SLC4A4: variants seen among roughly 807,000 people sequenced by gnomAD.
The protein encoded by SLC4A4 is solute carrier family 4 member 4.
In SLC4A4, 27 loss-of-function variants were observed where a neutral mutation model predicts 111.5. The ratio of observed to expected loss-of-function variants is 0.24; its 90% CI spans 0.18 to 0.33. The LOEUF (loss-of-function observed/expected upper bound fraction) is 0.33. Among genes scored for constraint, SLC4A4 ranks in the 10% least tolerant of loss-of-function variants. SLC4A4 has a pLI of 1.00. For synonymous variants in SLC4A4, 443 were observed against 463.4 expected (o/e 0.96, Z 0.57); for missense variants, 909 against 1,315.5 (o/e 0.69, Z 4.78).
At chr4:71,566,979 GT>G (rs758282680) in intron 24 of SLC4A4, 24 bp from the exon 25 acceptor site, 1 of 1,595,324 alleles carries the variant, frequency 6.3e-7, no homozygotes. Context: ...TACCATTTAT[GT>G]TTTTAAAAAA....
intron 2 of SLC4A4, among the ~76,000 whole-genome samples, chr4:71,174,118 A>T (rs914591012): frequency 6.6e-6 from 1 of 152,210 alleles, no homozygotes; most frequent in African/African-American, 2.4e-5. Flanking sequence ...CTTAGATAAA[A>T]GTACAACAGC....
intron 3 of SLC4A4, among the ~76,000 whole-genome samples, chr4:71,274,381 G>T (rs1722922467): frequency 6.6e-6 from 1 of 152,116 alleles, no homozygotes; most frequent in African/African-American, 2.4e-5. Flanking sequence ...TCAAACCTGT[G>T]TTGTTCAGTG....
At position 71,133,051 on chromosome 4, in the gene SLC4A4, A is replaced by AT. The variant is rs940720348; in HGVS notation, c.-2+40269dup. ...ATGTAAGTGCATTTGATGAATTACCATTTTTTTTTTAACCAGGGTGAGATT... is the reference window on the plus strand; with the variant it reads ...ATGTAAGTGCATTTGATGAATTACCATTTTTTTTTTTAACCAGGGTGAGATT... On this transcript the variant is annotated intron_variant, in intron 2 of 26. Coordinates refer to the SLC4A4 transcript ENST00000649996. Among the ~76,000 whole-genome samples the AT allele has an allele frequency of 2.4e-3, 364 of 150,078 alleles. 8 individuals are homozygous for AT. The East Asian group carries it at 0.054, about 22-fold the overall frequency.
At chr4:71,441,631 C>T (rs1433047407) in intron 8 of SLC4A4, among the ~76,000 whole-genome samples, 1 of 152,062 alleles carries the variant, frequency 6.6e-6, no homozygotes, top group East Asian at 1.9e-4. Flanking sequence ...GATGGATCCT[C>T]CTCAGCTCAG....
intron 7 of SLC4A4, among the ~76,000 whole-genome samples, chr4:71,433,139 CCTT>C (rs1723795353): frequency 6.6e-6 from 1 of 152,044 alleles, no homozygotes; most frequent in South Asian, 2.1e-4. Flanking sequence ...CCACTTTGTG[CCTT>C]CTTTTCTCAA....
At chr4:71,553,952 C>A (rs1736255823) in intron 20 of SLC4A4, among the ~76,000 whole-genome samples, 1 of 151,752 alleles carries the variant, frequency 6.6e-6, no homozygotes, top group Non-Finnish European at 1.5e-5. Context: ...TTTGAAGAAG[C>A]ATTTGATGTT....
At chr4:71,504,862 T>A (rs1731257682) in intron 16 of SLC4A4, among the ~76,000 whole-genome samples, 1 of 152,120 alleles carries the variant, frequency 6.6e-6, no homozygotes, top group African/African-American at 2.4e-5. Flanking sequence ...CTTTTCTTCC[T>A]GATTCTCTCC....
chr4:71,557,646 T>C, intron 21 of SLC4A4, 66 bp from the exon 22 acceptor site: 12 of 1,458,882 alleles, frequency 8.2e-6, no homozygotes, highest in Non-Finnish European at 1.2e-5. Context: ...TCAGTAGTGA[T>C]TAGTTAGGCA....
At chr4:71,497,888 A>G (rs1730559299) in intron 16 of SLC4A4, among the ~76,000 whole-genome samples, 196 bp downstream of exon 16, 1 of 152,156 alleles carries the variant, frequency 6.6e-6, no homozygotes. Context: ...AAACCTTCCA[A>G]GGACTTTCTC....
chr4:71,525,176 G>C (rs1198940190), intron 16 of SLC4A4, among the ~76,000 whole-genome samples: 2 of 152,084 alleles, frequency 1.3e-5, no homozygotes, highest in Non-Finnish European at 2.9e-5. Flanking sequence ...AAGAAGGAGA[G>C]AACAGCATAT....
At chr4:71,526,537 T>A (rs1733435016) in intron 16 of SLC4A4, among the ~76,000 whole-genome samples, 1 of 152,148 alleles carries the variant, frequency 6.6e-6, no homozygotes, top group Non-Finnish European at 1.5e-5. Context: ...GTAAGTGCCA[T>A]CACGTATATA....
Position 71,074,646 on chromosome 4 carries a change from A to AAGGAAGGAAGAAGGGG in SLC4A4, c.-65+11874_-65+11889dup, listed in dbSNP as rs892735259. Among the ~76,000 whole-genome samples, 242 of 151,790 alleles carry AAGGAAGGAAGAAGGGG rather than the reference A, an allele frequency of 1.6e-3. 3 individuals are homozygous for AAGGAAGGAAGAAGGGG. The highest frequency in any genetic ancestry group is 1.1e-3 in the Non-Finnish European group (75 of 67,896). On this transcript the variant is annotated intron_variant, in intron 1 of 26. Coordinates refer to the SLC4A4 transcript ENST00000649996. ...AAGAAAGGAGAAAAAGGAGAAGAGAAAGGAAGGAAGAAGGGGAGGAAGGAA... is the reference window on the plus strand; with the variant it reads ...AAGAAAGGAGAAAAAGGAGAAGAGAAAGGAAGGAAGAAGGGGAGGAAGGAAGAAGGGGAGGAAGGAA...
intron 17 of SLC4A4, among the ~76,000 whole-genome samples, chr4:71,532,880 G>A (rs919369852): frequency 2.0e-5 from 3 of 151,952 alleles, no homozygotes; most frequent in Non-Finnish European, 2.9e-5. Context: ...CCTACCACAC[G>A]CATGTATATA....
chr4:71,503,071 A>G (rs550492743), intron 16 of SLC4A4, among the ~76,000 whole-genome samples: 2 of 152,230 alleles, frequency 1.3e-5, no homozygotes, highest in East Asian at 1.9e-4. Context: ...ATTATTATAT[A>G]ATGACCTTCT....
rs756131828 is a variant in SLC4A4, at chr4:71,357,055, C to A, written c.598C>A (p.Leu200Ile). ...TGAGACAGGCCTATTGAAACCTGAA[C>A]TTAAGGATAAGGTGACCTATACTTT... The part of the protein sequence containing the change: ...QIETGLLKPE[L>I]KDKVTYTLLR... The change falls in exon 6 of 26, where the codon CTT becomes ATT. Residue 200 changes from leucine to isoleucine, a missense_variant. Coordinates refer to ENST00000264485, the MANE Select transcript of SLC4A4 (RefSeq NM_001098484.3). 1.2e-6 allele frequency: 2 copies of A among 1,614,090 alleles called. No homozygotes were observed. Among genetic ancestry groups the A allele is most frequent in the Non-Finnish European group, 1.7e-6 (2 of 1,179,996 alleles).
chr4:71,333,772 C>G (rs1728205540), intron 3 of SLC4A4, among the ~76,000 whole-genome samples: 2 of 152,184 alleles, frequency 1.3e-5, no homozygotes, highest in South Asian at 4.2e-4. Context: ...CTTCCCCTTT[C>G]CTGATGCAGA....
At chr4:71,139,628 T>G (rs1329991107) in intron 2 of SLC4A4, among the ~76,000 whole-genome samples, 2 of 152,236 alleles carry the variant, frequency 1.3e-5, no homozygotes, top group Non-Finnish European at 2.9e-5. Context: ...CCTGTGGGCA[T>G]TTTCTTCCAG....
At chr4:71,146,379 A>G (rs1433901316) in intron 2 of SLC4A4, among the ~76,000 whole-genome samples, 4 of 152,094 alleles carry the variant, frequency 2.6e-5, no homozygotes, top group South Asian at 2.1e-4. Context: ...TATGTGGTCA[A>G]TTTTGGAATA....
chr4:71,193,291 C>A (rs1024694233), intron 1 of SLC4A4, among the ~76,000 whole-genome samples: 4 of 152,180 alleles, frequency 2.6e-5, no homozygotes, highest in Admixed American at 2.6e-4. Flanking sequence ...TCCCGAGTAG[C>A]TGGGACTACA....
Sources: allele counts gnomAD v4.1 joint callset (sites outside exome capture counted in the v4.1 genomes callset), GRCh38; gene constraint gnomAD v4.1.1; transcripts MANE v1.5; gene names NCBI Gene and HGNC (gene_info 2026-07-23, HGNC 2026-07-21).